The following LRP1B variants were observed in gnomAD, a reference collection of about 807,000 sequenced individuals.
LRP1B encodes LDL receptor related protein 1B.
In LRP1B, 217 loss-of-function variants were observed where a neutral mutation model predicts 556.6. The ratio of observed to expected loss-of-function variants is 0.39; its 90% confidence interval spans 0.35 to 0.44. The LOEUF is 0.44. Among genes scored for constraint, LRP1B ranks in the 20% least tolerant of loss-of-function variants. The pLI is 1.00. For missense variants in LRP1B, 5,053 were observed against 5,620.8 expected, an observed-to-expected ratio of 0.90 and a Z score of 3.23; for synonymous variants, 2,047 against 1,865.8, an observed-to-expected ratio of 1.10 and a Z score of -2.50.
intron 43 of LRP1B, among the ~76,000 whole-genome samples, chr2:140,556,842 C>T (rs1377472525): frequency 1.3e-5 from 2 of 151,792 alleles, no homozygotes; most frequent in Non-Finnish European, 1.5e-5. Flanking sequence ...AAATTACATA[C>T]ATGTCCATAG....
chr2:141,872,169 G>A (rs1297474761), intron 1 of LRP1B, among the ~76,000 whole-genome samples: 1 of 151,902 alleles, frequency 6.6e-6, no homozygotes, highest in Non-Finnish European at 1.5e-5. Flanking sequence ...AGGTAACTGT[G>A]GAAATAGAGG....
chr2:141,699,265 T>A (rs1462154798), intron 2 of LRP1B, among the ~76,000 whole-genome samples: 2 of 151,802 alleles, frequency 1.3e-5, no homozygotes, highest in Non-Finnish European at 2.9e-5. Flanking sequence ...TGTTTTAAGT[T>A]CCCCAGGTGA....
At chr2:141,882,284 A>G (rs1174535675) in intron 1 of LRP1B, among the ~76,000 whole-genome samples, 1 of 152,156 alleles carries the variant, frequency 6.6e-6, no homozygotes, top group Non-Finnish European at 1.5e-5. Flanking sequence ...GCCTAGGTAC[A>G]TATTCCATTA....
At chr2:140,480,903 G>A (rs1187891981) in intron 59 of LRP1B, among the ~76,000 whole-genome samples, 3 of 152,058 alleles carry the variant, frequency 2.0e-5, no homozygotes, top group East Asian at 3.9e-4. Flanking sequence ...GTCTCACTCT[G>A]TCATGCAGGC....
intron 41 of LRP1B, among the ~76,000 whole-genome samples, chr2:140,625,893 T>C (rs1683640593): frequency 6.6e-6 from 1 of 152,200 alleles, no homozygotes; most frequent in Admixed American, 6.5e-5. Context: ...TAGGAGTTAA[T>C]AACTTATGTC....
At chr2:140,855,493 G>GGGAAAAAAAAAAAAAAAAAAAA (rs570169727) in intron 27 of LRP1B, among the ~76,000 whole-genome samples, 1 of 99,370 alleles carries the variant, frequency 1.0e-5, no homozygotes, top group African/African-American at 3.8e-5. Context: ...TCTCTACTGG[G>GGGAAAAAAAAAAAAAAAAAAAA]AAAAAAAAAA....
In LRP1B at chr2:141,026,532, T is replaced by A. The variant is rs149079203; in HGVS notation, c.1790-6430A>T. Among the ~76,000 whole-genome samples, 299 of 152,216 alleles carry A rather than the reference T, an allele frequency of 2.0e-3. 2 individuals are homozygous for A. Among genetic ancestry groups the A allele is most frequent in the African/African-American group, 6.9e-3 (288 of 41,566 alleles). ...TTACCATGGCATAGAACAAATGTGT[T>A]ATCTCATGTGACCATACTCCTGGAG... On this transcript the variant is annotated intron_variant, in intron 11 of 90. Transcript: ENST00000389484.
At chr2:140,768,054 G>C (rs1017847443) in intron 35 of LRP1B, among the ~76,000 whole-genome samples, 2 of 151,750 alleles carry the variant, frequency 1.3e-5, no homozygotes, top group Non-Finnish European at 2.9e-5. Context: ...CTGAGATTTT[G>C]GCAAAATTAA....
chr2:140,722,053 C>T lies in LRP1B; in HGVS notation c.5759-5237G>A, dbSNP rs556020727. Among the ~76,000 whole-genome samples the T allele has an allele frequency of 6.6e-5, 10 of 152,048 alleles. No individual in the cohort carries two copies. In the East Asian group the frequency reaches 7.8e-4, roughly 12 times the overall value. On this transcript the variant is annotated intron_variant, in intron 35 of 90. Transcript: ENST00000389484. Reference sequence around the variant, plus strand: ...TCTCTTCTCTTCCCCTGTGGGCAGCCGCTATTTTGACTTCTACTACCTTAG... The same window carrying T: ...TCTCTTCTCTTCCCCTGTGGGCAGCTGCTATTTTGACTTCTACTACCTTAG...
chr2:140,547,628 A>C (rs1680392059), intron 43 of LRP1B, among the ~76,000 whole-genome samples: 1 of 151,954 alleles, frequency 6.6e-6, no homozygotes, highest in Non-Finnish European at 1.5e-5. Context: ...TTTGGAACAA[A>C]TCTGTGCCTT....
At chr2:141,333,911 T>C (rs1196157441) in intron 3 of LRP1B, among the ~76,000 whole-genome samples, 1 of 152,192 alleles carries the variant, frequency 6.6e-6, no homozygotes. Context: ...TGAATATGTA[T>C]GCAGGGGATT....
In LRP1B at chr2:140,350,882, A is replaced by G. The variant is rs772310658; in HGVS notation, c.11807T>C (p.Ile3936Thr). 2 of 1,610,222 alleles carry G rather than the reference A, an allele frequency of 1.2e-6. No homozygotes were observed. Among genetic ancestry groups the G allele is most frequent in the East Asian group, 4.5e-5 (2 of 44,562 alleles). ...GCCTGGATTAAACTGAGTACTCCAAATAATCATATCTCTTTGATAATATAC... is the reference window on the plus strand; with the variant it reads ...GCCTGGATTAAACTGAGTACTCCAAGTAATCATATCTCTTTGATAATATAC... ...MDVYYQRDMI[I>T]WSTQFNPGGI... Residue 3936 changes from isoleucine to threonine, a missense_variant, in exon 77 of 91, where the codon ATT becomes ACT. Transcript: ENST00000389484.
intron 52 of LRP1B, 55 bp from the exon 53 acceptor site, chr2:140,506,973 C>G (rs944369797): frequency 1.3e-6 from 2 of 1,556,342 alleles, no homozygotes; most frequent in African/African-American, 2.7e-5. Context: ...TTATCTTCCC[C>G]TATATTAGGA....
intron 19 of LRP1B, 119 bp from the exon 20 acceptor site, chr2:140,950,521 TCA>T: frequency 2.6e-6 from 2 of 758,692 alleles, no homozygotes; most frequent in Non-Finnish European, 4.1e-6. Flanking sequence ...TCTTGCTCTG[TCA>T]CCCAACCTGT....
At chr2:140,427,338 C>T (rs1419988758) in intron 66 of LRP1B, among the ~76,000 whole-genome samples, 2 of 152,124 alleles carry the variant, frequency 1.3e-5, no homozygotes, top group Admixed American at 6.5e-5. Flanking sequence ...GCTCCCCACC[C>T]CCCTTCTCCG....
At chr2:140,250,504 T>C (rs1308984815) in intron 86 of LRP1B, among the ~76,000 whole-genome samples, 1 of 151,470 alleles carries the variant, frequency 6.6e-6, no homozygotes, top group Admixed American at 6.6e-5. Flanking sequence ...AGGGTATTGA[T>C]TTAACATTCT....
chr2:141,335,063 C>A (rs953306717), intron 3 of LRP1B, among the ~76,000 whole-genome samples: 5 of 152,182 alleles, frequency 3.3e-5, no homozygotes, highest in African/African-American at 1.2e-4. Flanking sequence ...AGCATTAATT[C>A]ATTTCCTTAT....
At chr2:140,532,335 G>A (rs781262281) in intron 47 of LRP1B, among the ~76,000 whole-genome samples, 5 of 151,894 alleles carry the variant, frequency 3.3e-5, no homozygotes, top group Non-Finnish European at 5.9e-5. Flanking sequence ...GGCACAAAAT[G>A]CACCTTCATG....
intron 43 of LRP1B, among the ~76,000 whole-genome samples, chr2:140,595,108 A>ATATATC (rs1682385700): frequency 1.5e-5 from 1 of 67,074 alleles, no homozygotes; most frequent in Non-Finnish European, 3.0e-5. Flanking sequence ...ATATATATAT[A>ATATATC]TATATATATA....
Sources: gnomAD v4.1 joint callset for allele counts (sites outside exome capture counted in the v4.1 genomes callset) on GRCh38, gnomAD v4.1.1 for gene constraint, MANE v1.5 for transcripts, NCBI Gene and HGNC (gene_info 2026-07-23, HGNC 2026-07-21) for gene names.